The following ANK1 variants were observed in gnomAD, a reference collection of about 807,000 sequenced individuals.
The protein encoded by ANK1 is ankyrin 1, also known as ankyrin-1.
In ANK1, 51 loss-of-function variants were observed where a neutral mutation model predicts 210.4. The observed-to-expected ratio is 0.24, with a 90% confidence interval of 0.19 to 0.31. ANK1 has a LOEUF of 0.31. Ranked by LOEUF, ANK1 falls within the 10% of genes least tolerant of loss-of-function variation. The pLI, the probability that ANK1 is intolerant of heterozygous loss-of-function variation, is 1.00. For synonymous variants in ANK1, 967 were observed against 1,025.9 expected (o/e 0.94, Z 1.10); for missense variants, 2,051 against 2,504.4 (o/e 0.82, Z 3.86).
At chr8:41,665,645 C>A (rs28411393) in intron 39 of ANK1, 35,282 of 235,108 alleles carry the variant, frequency 0.15, 3,092 homozygotes, top group Middle Eastern at 0.27. Context: ...CCAGCTAATA[C>A]CCTGGGTACT....
At chr8:41,865,980 T>G (rs572072818) in intron 1 of ANK1, among the ~76,000 whole-genome samples, 1 of 152,340 alleles carries the variant, frequency 6.6e-6, no homozygotes, top group Admixed American at 6.5e-5. Context: ...GTGCCCCTGC[T>G]AACCCAGAGC....
At chr8:41,708,434 T>C (rs1200603057) in intron 17 of ANK1, among the ~76,000 whole-genome samples, 1 of 152,192 alleles carries the variant, frequency 6.6e-6, no homozygotes, top group African/African-American at 2.4e-5. Flanking sequence ...TAGTCCCAAA[T>C]GACAGAATGC....
intron 5 of ANK1, among the ~76,000 whole-genome samples, 185 bp downstream of exon 5, chr8:41,727,065 G>A (rs1830898796): frequency 6.6e-6 from 1 of 152,190 alleles, no homozygotes; most frequent in Non-Finnish European, 1.5e-5. Context: ...CCTTCTTCAA[G>A]ACCCATGACT....
intron 1 of ANK1, among the ~76,000 whole-genome samples, chr8:41,826,153 C>G (rs1187252902): frequency 1.3e-5 from 2 of 152,238 alleles, no homozygotes; most frequent in African/African-American, 4.8e-5. Context: ...GGGGAGGGGT[C>G]CTTGGTGCCC....
At chr8:41,837,630 G>T (rs1808016664) in intron 1 of ANK1, among the ~76,000 whole-genome samples, 2 of 152,186 alleles carry the variant, frequency 1.3e-5, no homozygotes, top group Non-Finnish European at 2.9e-5. Flanking sequence ...CCAGCACTTT[G>T]GGAGGCTGAG....
At chr8:41,686,035 A>T (rs1817601479) in intron 36 of ANK1, 117 bp downstream of exon 36, 2 of 1,500,398 alleles carry the variant, frequency 1.3e-6, no homozygotes, top group Non-Finnish European at 1.9e-6. Flanking sequence ...AGTGTGTGTG[A>T]GAGAGACAGA....
chr8:41,859,850 A>C (rs1457823811), intron 1 of ANK1, among the ~76,000 whole-genome samples: 1 of 152,260 alleles, frequency 6.6e-6, no homozygotes, highest in Non-Finnish European at 1.5e-5. Flanking sequence ...CGCAGCAACA[A>C]CAGGTAGCTT....
chr8:41,694,556 C>T lies in ANK1; in HGVS notation c.3327+36G>A, dbSNP rs375713465. ...CCTTCCCGGAGGCCTGGAGTTCAGTCCACCCCCAGGACCTGGCGGGGAGGA... is the reference window on the plus strand; with the variant it reads ...CCTTCCCGGAGGCCTGGAGTTCAGTTCACCCCCAGGACCTGGCGGGGAGGA... On this transcript the variant is annotated intron_variant, in intron 28 of 42. Coordinates refer to ENST00000289734, the MANE Select transcript of ANK1 (RefSeq NM_000037.4). The surrounding 1 kb of genome is among the most constrained non-coding windows in gnomAD (Gnocchi z 5.7). 5.0e-6 allele frequency: 8 copies of T among 1,596,042 alleles called. No individual in the cohort carries two copies. Among genetic ancestry groups the T allele is most frequent in the African/African-American group, 4.0e-5 (3 of 74,514 alleles).
At chr8:41,714,762 G>A (rs1036833056) in intron 15 of ANK1, among the ~76,000 whole-genome samples, 5 of 152,106 alleles carry the variant, frequency 3.3e-5, no homozygotes, top group Non-Finnish European at 7.4e-5. Flanking sequence ...TCAGGAGACT[G>A]ACACTCGAGG....
At chr8:41,731,791 G>A (rs1242783976) in intron 3 of ANK1, among the ~76,000 whole-genome samples, 1 of 152,130 alleles carries the variant, frequency 6.6e-6, no homozygotes, top group Non-Finnish European at 1.5e-5. Flanking sequence ...GAGGAGATTC[G>A]GAAACAGTCG....
At chr8:41,700,414 C>G (rs1286766861) in intron 22 of ANK1, 1 of 1,612,364 alleles carries the variant, frequency 6.2e-7, no homozygotes, top group Non-Finnish European at 8.5e-7. Context: ...CCACAGTAAA[C>G]AGAAAGCATT....
At chr8:41,812,611 T>G (rs1802661249) in intron 1 of ANK1, among the ~76,000 whole-genome samples, 1 of 152,100 alleles carries the variant, frequency 6.6e-6, no homozygotes, top group East Asian at 1.9e-4. Context: ...GAGCTACTCT[T>G]GTGTCTGCAG....
intron 1 of ANK1, among the ~76,000 whole-genome samples, chr8:41,883,644 G>A (rs551927667): frequency 1.3e-5 from 2 of 152,210 alleles, no homozygotes; most frequent in African/African-American, 2.4e-5. Flanking sequence ...ATTTTTTGTA[G>A]AGATGGGGTC....
Position 41,672,715 on chromosome 8 carries a change from T to A in ANK1, c.4735A>T (p.Thr1579Ser), listed in dbSNP as rs1467245942. Residue 1579 changes from threonine (T) to serine (S), a missense_variant, in exon 38 of 43, where the codon ACT becomes TCT. By Grantham distance (58) the Thr-to-Ser change is moderately conservative (BLOSUM62 1). Around this residue, in one of 6 missense-constraint regions of ANK1, gnomAD observed 496 missense variants for 533.4 expected, o/e 0.93. Transcript: ENST00000289734. ...CACTCCAGAGAGGAGTCCTCAGCAG[T>A]GACCAGAGAAGGCGTGAGGCCCGCA... The part of the protein sequence containing the change: ...WSAGLTPSLV[T>S]AEDSSLECSK... The A allele has an allele frequency of 3.1e-6, 5 of 1,610,304 alleles. No individual in the cohort carries two copies. Among genetic ancestry groups the A allele is most frequent in the Non-Finnish European group, 4.2e-6 (5 of 1,177,132 alleles).
intron 1 of ANK1, among the ~76,000 whole-genome samples, chr8:41,762,507 G>C (rs1291197885): frequency 6.6e-6 from 1 of 152,186 alleles, no homozygotes; most frequent in Non-Finnish European, 1.5e-5. Context: ...AAAGCATTAA[G>C]TGTCTGCTAG....
intron 1 of ANK1, among the ~76,000 whole-genome samples, chr8:41,881,528 T>C (rs1463987808): frequency 6.6e-6 from 1 of 152,240 alleles, no homozygotes; most frequent in African/African-American, 2.4e-5. Context: ...TGCTATTTTA[T>C]CTTACTGTCA....
intron 37 of ANK1, 105 bp from the exon 38 acceptor site, chr8:41,673,017 C>A: frequency 8.4e-7 from 1 of 1,197,526 alleles, no homozygotes; most frequent in South Asian, 1.3e-5. Flanking sequence ...CGGGTGCGGC[C>A]ACAGAGATGC....
intron 17 of ANK1, 105 bp from the exon 18 acceptor site, chr8:41,706,346 A>C (rs925598284): frequency 1.9e-6 from 2 of 1,027,880 alleles, no homozygotes; most frequent in African/African-American, 3.2e-5. Flanking sequence ...GCAGTCACCA[A>C]CTAGTTATTT....
intron 2 of ANK1, among the ~76,000 whole-genome samples, chr8:41,757,823 C>G (rs1391623875): frequency 6.6e-6 from 1 of 152,234 alleles, no homozygotes; most frequent in Non-Finnish European, 1.5e-5. Flanking sequence ...CGGGCCTCGC[C>G]CACACTGTTC....
Sources: gnomAD v4.1 joint callset for allele counts (sites outside exome capture counted in the v4.1 genomes callset) on GRCh38, gnomAD v4.1.1 for gene constraint, gnomAD v4.1.1 regional missense constraint, Gnocchi (gnomAD v3.1) non-coding constraint, MANE v1.5 for transcripts, NCBI Gene and HGNC (gene_info 2026-07-23, HGNC 2026-07-21) for gene names.